CFAP54: variants seen among roughly 807,000 people sequenced by gnomAD.
CFAP54 encodes cilia- and flagella-associated protein 54.
Under a neutral mutation model 370.4 loss-of-function variants are expected in CFAP54, and 290 were observed. That is an observed-to-expected ratio of 0.78 (90% CI 0.71 to 0.86). The LOEUF is 0.86. Ranked by LOEUF, CFAP54 falls within the 40% of genes least tolerant of loss-of-function variation. The probability of loss-of-function intolerance (pLI) is 0.00; values close to 1 mark genes in which losing one functional copy is unlikely to be tolerated. For synonymous variants in CFAP54, 1,206 were observed against 1,236.5 expected, an observed-to-expected ratio of 0.98 and a Z score of 0.52; for missense variants, 3,399 against 3,528.7, an observed-to-expected ratio of 0.96 and a Z score of 0.93.
intron 42 of CFAP54, among the ~76,000 whole-genome samples, chr12:96,687,211 C>A (rs962553855): frequency 2.6e-5 from 4 of 152,142 alleles, no homozygotes; most frequent in Admixed American, 2.6e-4. Context: ...TCGTGACGAT[C>A]CAGGATAATC....
Position 96,489,649 on chromosome 12 carries a change from G to A in CFAP54, c.40G>A (p.Asp14Asn). The change falls in exon 1 of 68, where the codon GAC (aspartate) becomes AAC (asparagine). Residue 14 changes from aspartate to asparagine, a missense_variant. Physicochemically the swap from Asp to Asn is conservative, Grantham distance 23. This residue lies in a region of CFAP54 where 559 missense variants were observed against 576.7 expected (regional missense o/e 0.97). Coordinates refer to ENST00000524981, the MANE Select transcript of CFAP54 (RefSeq NM_001306084.2). ...CTCCCCCTCGAGCTCTCCGTCAGAC[G>A]ACTCTACCACCTCGGGGTCTCTGCC... ...QGSPSSSPSD[D>N]STTSGSLPEL... is the part of the protein sequence containing the mutation. The A allele has an allele frequency of 6.5e-7, 1 of 1,530,766 alleles. No homozygotes were observed. Among genetic ancestry groups the A allele is most frequent in the Non-Finnish European group, 8.8e-7 (1 of 1,142,538 alleles). 94.8% of individuals were successfully genotyped at this position (1,530,766 alleles called of 1,614,324 possible). A position where few individuals can be genotyped will look rare whatever the true frequency, so the allele number is the denominator to read the frequency against.
At chr12:96,504,109 G>A in intron 3 of CFAP54, 80 bp downstream of exon 3, 10 of 1,324,850 alleles carry the variant, frequency 7.5e-6, no homozygotes, top group Non-Finnish European at 9.9e-6. Context: ...GCTTCTAAAT[G>A]TCTTGTTGGC....
At chr12:96,510,710 C>A (rs187305866) in intron 4 of CFAP54, among the ~76,000 whole-genome samples, 61 of 152,118 alleles carry the variant, frequency 4.0e-4, no homozygotes, top group Non-Finnish European at 4.6e-4. Flanking sequence ...GTGGCTCACG[C>A]TTCTCATCAC....
chr12:96,604,996 C>G (rs1318876982), intron 26 of CFAP54, among the ~76,000 whole-genome samples: 1 of 152,184 alleles, frequency 6.6e-6, no homozygotes, highest in Non-Finnish European at 1.5e-5. Context: ...ACTGTCCAAC[C>G]AGCCCCAATG....
chr12:96,868,972 C>G (rs903350756), intron 67 of CFAP54, among the ~76,000 whole-genome samples: 3 of 152,162 alleles, frequency 2.0e-5, no homozygotes, highest in African/African-American at 7.2e-5. Flanking sequence ...TCCTGTGAAT[C>G]CTGATAATAA....
At chr12:96,784,994 T>G in intron 61 of CFAP54, 104 bp downstream of exon 61, 1 of 940,530 alleles carries the variant, frequency 1.1e-6, no homozygotes, top group Non-Finnish European at 1.5e-6. Context: ...TCTTTCTGAG[T>G]GACTGTCATC....
At chr12:96,743,938 A>G (rs1958082313) in intron 54 of CFAP54, 28 bp downstream of exon 54, 5 of 1,603,028 alleles carry the variant, frequency 3.1e-6, no homozygotes, top group African/African-American at 2.7e-5. Flanking sequence ...TCTGCGAGAC[A>G]TAGAAACTTA....
chr12:96,816,347 T>C (rs1223368966), intron 64 of CFAP54, among the ~76,000 whole-genome samples: 1 of 152,238 alleles, frequency 6.6e-6, no homozygotes, highest in Non-Finnish European at 1.5e-5. Flanking sequence ...AGTTCACTCA[T>C]GATTTGGCTC....
chr12:96,658,957 A>G (rs1367438211), intron 38 of CFAP54, among the ~76,000 whole-genome samples: 1 of 152,210 alleles, frequency 6.6e-6, no homozygotes, highest in Non-Finnish European at 1.5e-5. Flanking sequence ...TTCTGACACC[A>G]GATGTGTGGG....
At chr12:96,778,567 A>G (rs370575685) in intron 60 of CFAP54, among the ~76,000 whole-genome samples, 1 of 152,026 alleles carries the variant, frequency 6.6e-6, no homozygotes, top group East Asian at 1.9e-4. Context: ...TATACATTCT[A>G]CTTGATGACA....
At chr12:96,787,047 G>C in intron 62 of CFAP54, 149 bp downstream of exon 62, 4 of 647,056 alleles carry the variant, frequency 6.2e-6, no homozygotes, top group Non-Finnish European at 1.0e-5. Context: ...TTACCATGTG[G>C]ATAGGCTAAC....
chr12:96,602,425 A>G (rs1956253046), intron 26 of CFAP54, among the ~76,000 whole-genome samples: 1 of 152,202 alleles, frequency 6.6e-6, no homozygotes, highest in Non-Finnish European at 1.5e-5. Flanking sequence ...AGAAGAATGT[A>G]TATTCTGTTG....
rs745676385 is a variant in CFAP54 at position 96,651,705 on chromosome 12, T to C, written c.4990T>C (p.Phe1664Leu). ...ACAGGCAGTGGATCTTGATAAAACA[T>C]TTCCTATTAGCCAAGATGGTTTCCT... ...LKQAVDLDKTFPISQDGFLCT... is the reference protein window; with the variant it reads ...LKQAVDLDKTLPISQDGFLCT... Residue 1664 changes from phenylalanine to leucine, a missense_variant, in exon 36 of 68, where the codon TTT becomes CTT. Phe to Leu is a conservative substitution (Grantham distance 22). Transcript: ENST00000524981. 1.2e-6 allele frequency: 2 copies of C among 1,614,000 alleles called. No homozygotes were observed. Among genetic ancestry groups the C allele is most frequent in the South Asian group, 1.1e-5 (1 of 91,080 alleles).
intron 23 of CFAP54, among the ~76,000 whole-genome samples, chr12:96,590,436 G>T (rs192572366): frequency 1.3e-5 from 2 of 152,266 alleles, no homozygotes; most frequent in African/African-American, 4.8e-5. Flanking sequence ...AAAGCAACAA[G>T]AATCTCCCTC....
chr12:96,619,212 G>A (rs1956458419), intron 26 of CFAP54, among the ~76,000 whole-genome samples: 1 of 152,108 alleles, frequency 6.6e-6, no homozygotes, highest in African/African-American at 2.4e-5. Flanking sequence ...TTAATGTCAC[G>A]ATTTTGATAT....
chr12:96,748,210 G>A (rs7301254), intron 55 of CFAP54, among the ~76,000 whole-genome samples: 57,349 of 151,894 alleles, frequency 0.38, 11,971 homozygotes, highest in East Asian at 0.68. Flanking sequence ...AAAGTTTAAG[G>A]AATAAACTCA....
chr12:96,574,150 A>G (rs2136419588), intron 19 of CFAP54, among the ~76,000 whole-genome samples: 1 of 152,206 alleles, frequency 6.6e-6, no homozygotes, highest in African/African-American at 2.4e-5. Context: ...TGGTTTCCTC[A>G]CTCAGCTTTA....
intron 4 of CFAP54, among the ~76,000 whole-genome samples, chr12:96,512,499 C>T (rs562930478): frequency 3.3e-5 from 5 of 151,690 alleles, no homozygotes; most frequent in Admixed American, 1.3e-4. Flanking sequence ...CATGCCACCA[C>T]GCCCGGCTAA....
At chr12:96,673,503 A>G (rs2136537874) in intron 39 of CFAP54, among the ~76,000 whole-genome samples, 1 of 152,334 alleles carries the variant, frequency 6.6e-6, no homozygotes, top group South Asian at 2.1e-4. Context: ...TTAAAAGGTT[A>G]GCATCCAACT....
Sources: allele counts gnomAD v4.1 joint callset (sites outside exome capture counted in the v4.1 genomes callset), GRCh38; gene constraint gnomAD v4.1.1; regional missense constraint gnomAD v4.1.1; transcripts MANE v1.5; gene names NCBI Gene and HGNC (gene_info 2026-07-23, HGNC 2026-07-21).